Variants in AK9 observed in about 807,000 individuals in gnomAD.
The protein encoded by AK9 is adenylate kinase domain containing 1.
AK9 carries 191 observed loss-of-function variants against 239.6 expected under a neutral mutation model. The observed-to-expected ratio is 0.80, with a 90% confidence interval of 0.71 to 0.90. The LOEUF is 0.90. Among genes scored for constraint, AK9 ranks in the 40% least tolerant of loss-of-function variants. AK9 has a pLI of 0.00. For missense variants in AK9, 1,995 were observed against 2,214.7 expected (o/e 0.90, Z 1.99); for synonymous variants, 689 against 721.0 (o/e 0.96, Z 0.71).
At chr6:109,500,022 CTATA>C (rs1310043461) in intron 35 of AK9, among the ~76,000 whole-genome samples, 1 of 135,356 alleles carries the variant, frequency 7.4e-6, no homozygotes, top group Non-Finnish European at 1.5e-5. Context: ...CTATTATAGA[CTATA>C]TATATGATAC....
chr6:109,638,447 CTATT>C (rs1796983162), intron 10 of AK9, among the ~76,000 whole-genome samples: 1 of 152,106 alleles, frequency 6.6e-6, no homozygotes, highest in Non-Finnish European at 1.5e-5. Context: ...TGAATTATGT[CTATT>C]TATGATCCTG....
intron 19 of AK9, among the ~76,000 whole-genome samples, chr6:109,583,027 G>C (rs1789048327): frequency 1.3e-5 from 2 of 152,124 alleles, no homozygotes; most frequent in Non-Finnish European, 2.9e-5. Flanking sequence ...TACATTTTTA[G>C]ACATAATGCT....
At chr6:109,579,764 C>T in intron 19 of AK9, 138 bp from the exon 20 acceptor site, 1 of 761,842 alleles carries the variant, frequency 1.3e-6, no homozygotes, top group Non-Finnish European at 1.9e-6. Context: ...TTTTAAATTA[C>T]TCATGTTGAG....
chr6:109,550,146 T>C lies in AK9; in HGVS notation c.2908A>G (p.Lys970Glu), dbSNP rs1784186727. The change falls in exon 25 of 41, where the codon AAA (lysine) becomes GAA (glutamate). Residue 970 changes from lysine (K) to glutamate (E), a missense_variant. Transcript: ENST00000424296. ...TCAGGATGCTCCAAAAACTTTTCTTTAGCCTCAGCACTTGAAAAGTAGTAG... is the reference window on the plus strand; with the variant it reads ...TCAGGATGCTCCAAAAACTTTTCTTCAGCCTCAGCACTTGAAAAGTAGTAG... ...KIYYFSSAEA[K>E]EKFLEHPEDY... 1.2e-6 allele frequency: 2 copies of C among 1,614,038 alleles called. No homozygotes were observed. Among genetic ancestry groups the C allele is most frequent in the Non-Finnish European group, 1.7e-6 (2 of 1,180,024 alleles).
At chr6:109,680,808 TAAAGA>T (rs1008557858) in intron 1 of AK9, among the ~76,000 whole-genome samples, 1 of 152,130 alleles carries the variant, frequency 6.6e-6, no homozygotes, top group African/African-American at 2.4e-5. Flanking sequence ...TCAACATTCT[TAAAGA>T]AAAGAATTTT....
intron 10 of AK9, among the ~76,000 whole-genome samples, chr6:109,639,806 A>T (rs1310466721): frequency 1.3e-5 from 2 of 152,154 alleles, no homozygotes; most frequent in Non-Finnish European, 2.9e-5. Flanking sequence ...TCTTTAATCC[A>T]TCTTGAACTA....
At chr6:109,599,068 CTTTAG>C in intron 17 of AK9, among the ~76,000 whole-genome samples, 1 of 152,316 alleles carries the variant, frequency 6.6e-6, no homozygotes, top group East Asian at 1.9e-4. Context: ...GGCAGAAGCT[CTTTAG>C]TTTAATTAGA....
At position 109,564,065 on chromosome 6, in the gene AK9, G is replaced by T. The variant is rs747213662; in HGVS notation, c.2635+15C>A. The T allele has an allele frequency of 6.5e-7, 1 of 1,543,290 alleles. No homozygotes were observed. The highest frequency in any genetic ancestry group is 1.9e-4 in the Middle Eastern group (1 of 5,198). On this transcript the variant is annotated intron_variant, in intron 23 of 40. Coordinates refer to ENST00000424296, the MANE Select transcript of AK9 (RefSeq NM_001145128.3). ...ACCTGCTGTTGATAATAAATGTTAT[G>T]ATTAAAGCCCTTACTTTCCATAGTC... is the stretch of plus-strand genomic sequence containing the variant.
At chr6:109,690,929 G>A (rs1193155582) in intron 1 of AK9, among the ~76,000 whole-genome samples, 2 of 152,102 alleles carry the variant, frequency 1.3e-5, no homozygotes, top group Non-Finnish European at 2.9e-5. Flanking sequence ...GGGGAAAACT[G>A]ACACTCAGTG....
At chr6:109,531,508 C>CTG in intron 28 of AK9, among the ~76,000 whole-genome samples, 1 of 152,072 alleles carries the variant, frequency 6.6e-6, no homozygotes. Context: ...CAGCCACTAG[C>CTG]TGTGTGTGGC....
chr6:109,642,337 G>C (rs150993180), intron 9 of AK9, among the ~76,000 whole-genome samples: 18 of 152,348 alleles, frequency 1.2e-4, no homozygotes, highest in Non-Finnish European at 2.6e-4. Context: ...CAGATCATGA[G>C]ATGGGAGATA....
chr6:109,653,829 T>C (rs9986344), intron 8 of AK9, among the ~76,000 whole-genome samples: 152,103 of 152,302 alleles, frequency 1, 75,954 homozygotes, highest in Middle Eastern at 1. Context: ...CCAGCACACC[T>C]GGCCTAAATT....
At chr6:109,682,790 T>C (rs1199823248) in intron 1 of AK9, among the ~76,000 whole-genome samples, 1 of 152,120 alleles carries the variant, frequency 6.6e-6, no homozygotes, top group African/African-American at 2.4e-5. Flanking sequence ...CAGGACTAGA[T>C]GGATTCACAG....
Position 109,509,469 on chromosome 6 carries a change from T to G in AK9, c.4280-89A>C, listed in dbSNP as rs1184130904. 6.0e-6 allele frequency: 7 copies of G among 1,167,954 alleles called. No individual in the cohort carries two copies. The African/African-American group carries it at 1.1e-4, about 18-fold the overall frequency. The allele number at this position is 1,167,954 out of a possible 1,614,324, so 72.3% of individuals were successfully genotyped here. ...TTTGTTACATGGGTATATTGTGTGATGCTCAGGTTTGGGCTTCTAATGATC... is the reference window on the plus strand; with the variant it reads ...TTTGTTACATGGGTATATTGTGTGAGGCTCAGGTTTGGGCTTCTAATGATC... On this transcript the variant is annotated intron_variant, in intron 32 of 40. Coordinates refer to ENST00000424296, the MANE Select transcript of AK9 (RefSeq NM_001145128.3).
intron 8 of AK9, among the ~76,000 whole-genome samples, chr6:109,645,257 C>A (rs13191995): frequency 0.2 from 30,395 of 152,068 alleles, 3,655 homozygotes; most frequent in Middle Eastern, 0.28. Context: ...GGCAGGGCAT[C>A]ACTTCACCTG....
intron 18 of AK9, among the ~76,000 whole-genome samples, chr6:109,585,593 A>G (rs1224679834): frequency 6.6e-6 from 1 of 152,194 alleles, no homozygotes; most frequent in Non-Finnish European, 1.5e-5. Context: ...GGTGAAGAAG[A>G]ACTAACATTT....
At chr6:109,557,370 C>A (rs140959524) in intron 24 of AK9, among the ~76,000 whole-genome samples, 22 of 152,256 alleles carry the variant, frequency 1.4e-4, no homozygotes, top group African/African-American at 5.3e-4. Context: ...CCTGCTCCTT[C>A]TTCTGGGACT....
intron 17 of AK9, among the ~76,000 whole-genome samples, chr6:109,602,500 C>T (rs549625665): frequency 6.6e-6 from 1 of 152,258 alleles, no homozygotes; most frequent in Admixed American, 6.5e-5. Context: ...TCTGGCTGCC[C>T]TTAACATTTT....
At chr6:109,551,890 A>G (rs1240689433) in intron 24 of AK9, among the ~76,000 whole-genome samples, 1 of 151,996 alleles carries the variant, frequency 6.6e-6, no homozygotes, top group Non-Finnish European at 1.5e-5. Flanking sequence ...CTTAACCCCA[A>G]CAGGCCCTGG....
Sources: allele counts gnomAD v4.1 joint callset (sites outside exome capture counted in the v4.1 genomes callset), GRCh38; gene constraint gnomAD v4.1.1; transcripts MANE v1.5; gene names NCBI Gene and HGNC (gene_info 2026-07-23, HGNC 2026-07-21).